The following MEIS1 variants were observed in gnomAD, a reference collection of about 807,000 sequenced individuals.
The protein encoded by MEIS1 is Meis homeobox 1.
In MEIS1, 5 loss-of-function variants were observed where a neutral mutation model predicts 50.8. That is an observed-to-expected ratio of 0.10 (90% CI 0.05 to 0.21). MEIS1 has a LOEUF of 0.21. MEIS1 is among the 10% of genes least tolerant of loss of function. The pLI is 1.00. For synonymous variants in MEIS1, 176 were observed against 179.3 expected (o/e 0.98, Z 0.15); for missense variants, 318 against 517.3 (o/e 0.61, Z 3.74).
intron 7 of MEIS1, among the ~76,000 whole-genome samples, chr2:66,476,417 T>A (rs906596661): frequency 3.9e-5 from 6 of 152,180 alleles, no homozygotes; most frequent in African/African-American, 1.4e-4. Context: ...AAAAGAGAAA[T>A]ATTCCCATTT....
chr2:66,444,910 T>C (rs2103695422), intron 6 of MEIS1, among the ~76,000 whole-genome samples: 1 of 152,270 alleles, frequency 6.6e-6, no homozygotes, highest in East Asian at 1.9e-4. Flanking sequence ...AAAATGAAGA[T>C]TTATACCCCA....
chr2:66,441,573 T>A lies in MEIS1; in HGVS notation c.483+109T>A, dbSNP rs1671983826. 15 of 895,430 alleles carry A rather than the reference T, an allele frequency of 1.7e-5. 1 individual carries two copies. The South Asian group carries it at 2.6e-4, about 15-fold the overall frequency. 55.5% of individuals were successfully genotyped at this position (895,430 alleles called of 1,614,324 possible). A position where few individuals can be genotyped will look rare whatever the true frequency, so the allele number is the denominator to read the frequency against. The stretch of plus-strand genomic sequence containing the variant: ...GCCTTCTGATACATTTGCATAAATG[T>A]CTTTCTTTCTGGTAATTAGTGTCAA... On this transcript the variant is annotated intron_variant, in intron 5 of 12. Coordinates refer to ENST00000272369, the MANE Select transcript of MEIS1 (RefSeq NM_002398.3).
intron 9 of MEIS1, among the ~76,000 whole-genome samples, chr2:66,556,050 A>G (rs1025052437): frequency 2.0e-5 from 3 of 151,376 alleles, no homozygotes; most frequent in African/African-American, 4.8e-5. Flanking sequence ...GAGGACATAC[A>G]AAACAAAAAC....
chr2:66,440,427 G>A (rs1316793613), intron 3 of MEIS1, 135 bp from the exon 4 acceptor site: 6 of 748,382 alleles, frequency 8.0e-6, no homozygotes, highest in Non-Finnish European at 1.4e-5. Context: ...CGGTGTCACC[G>A]GGTCCCTCCC....
chr2:66,542,029 A>T (rs1401609971), intron 8 of MEIS1, among the ~76,000 whole-genome samples: 1 of 152,206 alleles, frequency 6.6e-6, no homozygotes, highest in Non-Finnish European at 1.5e-5. Context: ...TCACAGTGTA[A>T]GCTATTCACA....
At chr2:66,568,105 CT>C (rs371137568) in intron 10 of MEIS1, 16,509 of 146,700 alleles carry the variant, frequency 0.11, 1,056 homozygotes, top group African/African-American at 0.19. Context: ...TGGTGTTCGA[CT>C]TTTTTTTTTT....
chr2:66,537,486 C>T (rs1257737201), intron 8 of MEIS1, among the ~76,000 whole-genome samples: 2 of 152,130 alleles, frequency 1.3e-5, no homozygotes, highest in African/African-American at 4.8e-5. Context: ...GAATGGGTAC[C>T]AGTTCCAGGG....
At chr2:66,514,838 C>T (rs1265392867) in intron 8 of MEIS1, among the ~76,000 whole-genome samples, 1 of 152,112 alleles carries the variant, frequency 6.6e-6, no homozygotes, top group African/African-American at 2.4e-5. Flanking sequence ...CACCCGTTAC[C>T]CTTGTTTTGT....
intron 9 of MEIS1, among the ~76,000 whole-genome samples, chr2:66,559,748 A>G (rs1199659322): frequency 1.3e-5 from 2 of 152,188 alleles, no homozygotes; most frequent in African/African-American, 4.8e-5. Context: ...AAGGTTATAC[A>G]AACTCAAATT....
At chr2:66,538,319 G>A (rs958144175) in intron 8 of MEIS1, among the ~76,000 whole-genome samples, 9 of 152,188 alleles carry the variant, frequency 5.9e-5, no homozygotes, top group Non-Finnish European at 8.8e-5. Context: ...ATAATGGTAA[G>A]AGTACTTATC....
rs531075423 is a variant in MEIS1, at chr2:66,461,597, A to C, written c.631-2512A>C. On this transcript the variant is annotated intron_variant, in intron 6 of 12. Coordinates refer to ENST00000272369, the MANE Select transcript of MEIS1 (RefSeq NM_002398.3). ...GAGGAGCAAGGCTGTGAGAAGAATG[A>C]TATTAGGTGAAAAATATTGGCTCCT... Among the ~76,000 whole-genome samples the C allele has an allele frequency of 4.6e-5, 7 of 152,310 alleles. No individual in the cohort carries two copies. The South Asian group carries it at 1.5e-3, about 32-fold the overall frequency.
chr2:66,528,849 A>C (rs186256334), intron 8 of MEIS1, among the ~76,000 whole-genome samples: 1 of 152,018 alleles, frequency 6.6e-6, no homozygotes, highest in Non-Finnish European at 1.5e-5. Flanking sequence ...GTGGTGTGCC[A>C]CTCAAGGACC....
chr2:66,562,767 T>G (rs72897232), intron 9 of MEIS1, among the ~76,000 whole-genome samples: 1,851 of 152,226 alleles, frequency 0.012, 39 homozygotes, highest in African/African-American at 0.043. Flanking sequence ...AAGAAGAAAT[T>G]CTAACTCATG....
At position 66,522,093 on chromosome 2, in the gene MEIS1, A is replaced by G. The variant is rs1232610128; in HGVS notation, c.888+9799A>G. On this transcript the variant is annotated intron_variant, in intron 8 of 12. Coordinates refer to ENST00000272369, the MANE Select transcript of MEIS1 (RefSeq NM_002398.3). ...AAGGAAAACGCCTAATACTGTACGAACTTGATTAATGATCTTTCCGTTGGA... is the reference window on the plus strand; with the variant it reads ...AAGGAAAACGCCTAATACTGTACGAGCTTGATTAATGATCTTTCCGTTGGA... 4.6e-5 allele frequency among the ~76,000 whole-genome samples: 7 copies of G among 152,360 alleles called. No homozygotes were observed. The East Asian group carries it at 1.4e-3, about 29-fold the overall frequency.
chr2:66,535,438 T>G (rs2103903526), intron 8 of MEIS1, among the ~76,000 whole-genome samples: 1 of 152,348 alleles, frequency 6.6e-6, no homozygotes, highest in Middle Eastern at 3.4e-3. Flanking sequence ...TTTGCCAACT[T>G]TATCTCACAG....
intron 7 of MEIS1, among the ~76,000 whole-genome samples, chr2:66,489,134 G>A (rs541780648): frequency 1.3e-5 from 2 of 152,308 alleles, no homozygotes; most frequent in East Asian, 3.9e-4. Context: ...CCTGTTTAAA[G>A]AGTAAGCTCT....
chr2:66,516,363 A>C (rs568817912), intron 8 of MEIS1, among the ~76,000 whole-genome samples: 2 of 152,278 alleles, frequency 1.3e-5, no homozygotes, highest in South Asian at 4.1e-4. Flanking sequence ...ACCAGTCGGA[A>C]TGGTGATTCT....
At chr2:66,545,229 A>G (rs1401003100) in intron 8 of MEIS1, among the ~76,000 whole-genome samples, 2 of 152,218 alleles carry the variant, frequency 1.3e-5, no homozygotes, top group African/African-American at 2.4e-5. Context: ...TATTAATTCT[A>G]TTAAAAATCA....
intron 7 of MEIS1, among the ~76,000 whole-genome samples, chr2:66,492,656 G>C (rs1271764543): frequency 6.6e-6 from 1 of 152,206 alleles, no homozygotes; most frequent in Non-Finnish European, 1.5e-5. Flanking sequence ...CTTTCTTGGA[G>C]ACTCCTACAG....
Sources: allele counts gnomAD v4.1 joint callset (sites outside exome capture counted in the v4.1 genomes callset), GRCh38; gene constraint gnomAD v4.1.1; transcripts MANE v1.5; gene names NCBI Gene and HGNC (gene_info 2026-07-23, HGNC 2026-07-21).